EPHA6: variants seen among roughly 807,000 people sequenced by gnomAD.
EPHA6 encodes EPH receptor A6.
In EPHA6, 50 loss-of-function variants were observed where a neutral mutation model predicts 112.0. The ratio of observed to expected loss-of-function variants is 0.45; its 90% CI spans 0.36 to 0.56. EPHA6 has a LOEUF of 0.56. Among genes scored for constraint, EPHA6 ranks in the 20% least tolerant of loss-of-function variants. The pLI is 0.00. For missense variants in EPHA6, 1,280 were observed against 1,417.4 expected (o/e 0.90, Z 1.56); for synonymous variants, 529 against 490.7 (o/e 1.08, Z -1.03).
chr3:97,274,242 C>G (rs538428670), intron 5 of EPHA6, among the ~76,000 whole-genome samples: 1 of 152,138 alleles, frequency 6.6e-6, no homozygotes, highest in South Asian at 2.1e-4. Flanking sequence ...GAAGTTTCAG[C>G]GGGGGAGTAG....
chr3:96,899,582 A>G (rs1359228613), intron 2 of EPHA6, among the ~76,000 whole-genome samples: 1 of 152,198 alleles, frequency 6.6e-6, no homozygotes, highest in African/African-American at 2.4e-5. Context: ...CTTCAAGGTT[A>G]ACACCTGACA....
chr3:97,004,912 C>A (rs2043817009), intron 3 of EPHA6, among the ~76,000 whole-genome samples: 1 of 152,104 alleles, frequency 6.6e-6, no homozygotes, highest in Non-Finnish European at 1.5e-5. Flanking sequence ...TGTCAAGGAT[C>A]AGATGGTTGT....
chr3:97,339,722 C>A (rs551392689), intron 5 of EPHA6, among the ~76,000 whole-genome samples: 1 of 152,196 alleles, frequency 6.6e-6, no homozygotes. Context: ...CCTAGGCCAC[C>A]AAGCAGTAAA....
rs541341102 is a variant in EPHA6, at chr3:97,590,734, T to C, written c.2387-1878T>C. On this transcript the variant is annotated intron_variant, in intron 11 of 17. Transcript: ENST00000389672. ...CATTATTTTAGCTTTTCACAGCATA[T>C]AATAAAATCTGCATTTGTTGTCATT... 8.5e-4 allele frequency among the ~76,000 whole-genome samples: 130 copies of C among 152,302 alleles called. 1 individual carries two copies. The highest frequency in any genetic ancestry group is 2.5e-3 in the African/African-American group (105 of 41,576).
intron 13 of EPHA6, among the ~76,000 whole-genome samples, chr3:97,621,221 A>T (rs2093811628): frequency 6.6e-6 from 1 of 151,968 alleles, no homozygotes; most frequent in Non-Finnish European, 1.5e-5. Context: ...ATGAGAACAC[A>T]TGGACAACAC....
intron 1 of EPHA6, among the ~76,000 whole-genome samples, chr3:96,825,919 G>T (rs1204388235): frequency 2.6e-5 from 4 of 151,690 alleles, no homozygotes; most frequent in Admixed American, 6.6e-5. Context: ...TGGTAAAAAT[G>T]ATGACCTTTA....
chr3:97,215,712 T>A (rs180949693), intron 3 of EPHA6, among the ~76,000 whole-genome samples: 5 of 152,294 alleles, frequency 3.3e-5, no homozygotes, highest in Non-Finnish European at 5.9e-5. Context: ...TTTTGCCATA[T>A]GTATGACATT....
chr3:97,321,617 T>C (rs754142639), intron 5 of EPHA6, among the ~76,000 whole-genome samples: 17 of 152,004 alleles, frequency 1.1e-4, no homozygotes, highest in Non-Finnish European at 2.5e-4. Context: ...GTGACCCAAA[T>C]ATCATCTGAA....
intron 2 of EPHA6, among the ~76,000 whole-genome samples, chr3:96,959,253 T>C (rs1016606776): frequency 6.6e-6 from 1 of 152,190 alleles, no homozygotes; most frequent in African/African-American, 2.4e-5. Flanking sequence ...GTTTCCCTAA[T>C]GGCTAATGGT....
chr3:96,935,914 G>A lies in EPHA6; in HGVS notation c.451-51416G>A, dbSNP rs550661771. ...ACTCATTAGTGAAAATGAATATTTA[G>A]TGTCATACCATATAGCACCTTCATT... is the stretch of plus-strand genomic sequence containing the variant. On this transcript the variant is annotated intron_variant, in intron 2 of 17. Transcript: ENST00000389672. Among the ~76,000 whole-genome samples the A allele has an allele frequency of 2.6e-5, 4 of 151,896 alleles. No individual in the cohort carries two copies. The East Asian group carries it at 5.8e-4, about 22-fold the overall frequency.
chr3:97,352,914 G>C lies in EPHA6; in HGVS notation c.1607-52236G>C, dbSNP rs2083886954. Among the ~76,000 whole-genome samples the C allele has an allele frequency of 2.6e-5, 4 of 152,066 alleles. No individual in the cohort carries two copies. The South Asian group carries it at 8.3e-4, about 32-fold the overall frequency. On this transcript the variant is annotated intron_variant, in intron 5 of 17. Coordinates refer to ENST00000389672, the MANE Select transcript of EPHA6 (RefSeq NM_001080448.3). ...GCTTGAGGAGAGGAAAGAGTAAAGA[G>C]GATATCCAAGTTGTCTTGTAATTTG...
chr3:97,409,603 C>A (rs2087576275), intron 6 of EPHA6, among the ~76,000 whole-genome samples: 1 of 152,042 alleles, frequency 6.6e-6, no homozygotes, highest in South Asian at 2.1e-4. Flanking sequence ...TCATTACTCT[C>A]TCATGTCAAT....
At chr3:97,355,675 A>G (rs772900574) in intron 5 of EPHA6, among the ~76,000 whole-genome samples, 21 of 152,234 alleles carry the variant, frequency 1.4e-4, no homozygotes, top group Non-Finnish European at 2.9e-4. Flanking sequence ...GTAAGTCCTT[A>G]CTTACCAATA....
chr3:97,320,339 T>C (rs1350144549), intron 5 of EPHA6, among the ~76,000 whole-genome samples: 1 of 152,010 alleles, frequency 6.6e-6, no homozygotes, highest in Non-Finnish European at 1.5e-5. Flanking sequence ...TGTTTATTTT[T>C]TTTTTCCTTT....
intron 2 of EPHA6, among the ~76,000 whole-genome samples, chr3:96,967,869 G>T (rs767718246): frequency 6.6e-6 from 1 of 151,718 alleles, no homozygotes; most frequent in Non-Finnish European, 1.5e-5. Flanking sequence ...ACATGTAGAC[G>T]GCAGTTGGAT....
chr3:97,156,175 G>T (rs1207570865), intron 3 of EPHA6, among the ~76,000 whole-genome samples: 2 of 152,132 alleles, frequency 1.3e-5, no homozygotes, highest in Non-Finnish European at 2.9e-5. Flanking sequence ...ACTGGTCAGA[G>T]TCAAGGGAGT....
chr3:97,248,251 A>G (rs1461538305), intron 5 of EPHA6, among the ~76,000 whole-genome samples: 1 of 152,046 alleles, frequency 6.6e-6, no homozygotes, highest in Non-Finnish European at 1.5e-5. Context: ...ACTGACTTCT[A>G]CAGTTCCTAA....
At chr3:97,449,286 G>A (rs1013687907) in intron 7 of EPHA6, among the ~76,000 whole-genome samples, 2 of 152,020 alleles carry the variant, frequency 1.3e-5, no homozygotes, top group African/African-American at 4.8e-5. Flanking sequence ...CAGCTTTGAG[G>A]TCTTTTATTC....
At chr3:97,156,928 G>T (rs997083550) in intron 3 of EPHA6, among the ~76,000 whole-genome samples, 3 of 151,904 alleles carry the variant, frequency 2.0e-5, no homozygotes, top group African/African-American at 7.2e-5. Context: ...ATTAGTAATT[G>T]AATTTAAGAA....
Sources: allele counts gnomAD v4.1 joint callset (sites outside exome capture counted in the v4.1 genomes callset), GRCh38; gene constraint gnomAD v4.1.1; transcripts MANE v1.5; gene names NCBI Gene and HGNC (gene_info 2026-07-23, HGNC 2026-07-21).